The following TP63 variants were observed in gnomAD, a reference collection of about 807,000 sequenced individuals.
TP63 encodes tumor protein p63, also known as tumor protein 63.
TP63 carries 17 observed loss-of-function variants against 82.8 expected under a neutral mutation model. The observed-to-expected ratio is 0.21, with a 90% confidence interval of 0.14 to 0.31. TP63 has a LOEUF of 0.31. Ranked by LOEUF, TP63 falls within the 10% of genes least tolerant of loss-of-function variation. The pLI, the probability that TP63 is intolerant of heterozygous loss-of-function variation, is 1.00. For missense variants in TP63, 648 were observed against 895.3 expected (o/e 0.72, Z 3.52); for synonymous variants, 330 against 321.7 (o/e 1.03, Z -0.28).
At chr3:189,715,387 T>C (rs1273139414) in intron 1 of TP63, among the ~76,000 whole-genome samples, 2 of 152,156 alleles carry the variant, frequency 1.3e-5, no homozygotes, top group African/African-American at 4.8e-5. Flanking sequence ...ACAGGAAGCA[T>C]TGAGGGTATG....
chr3:189,642,998 TATTTATTTATTTATTC>T (rs1454099776), intron 1 of TP63, among the ~76,000 whole-genome samples: 94 of 110,832 alleles, frequency 8.5e-4, no homozygotes, highest in African/African-American at 2.5e-3. Flanking sequence ...TTTATTTATT[TATTTATTTATTTATTC>T]ATTTTAGATG....
At chr3:189,842,965 TTTTACCCTCCTGGGGAGATAAAG>T (rs1714348479) in intron 4 of TP63, among the ~76,000 whole-genome samples, 1 of 152,172 alleles carries the variant, frequency 6.6e-6, no homozygotes, top group African/African-American at 2.4e-5. Context: ...TGAAAGGTCA[TTTTACCCTCCTGGGGAGATAAAG>T]TTGCAAAATT....
rs184007180 is a variant in TP63 at position 189,719,603 on chromosome 3, G to A, written c.63-18137G>A. 4.2e-3 allele frequency among the ~76,000 whole-genome samples: 645 copies of A among 152,194 alleles called. 3 individuals are homozygous for A. The highest frequency in any genetic ancestry group is 6.8e-3 in the Non-Finnish European group (462 of 67,998). ...ATATTTTCAGCTTTGCAGGCCATGC[G>A]GTCTCTGTCACAGCTACTCAGCTCT... On this transcript the variant is annotated intron_variant, in intron 1 of 13. Coordinates refer to ENST00000264731, the MANE Select transcript of TP63 (RefSeq NM_003722.5).
At chr3:189,617,222 T>C in the TP63 span, among the ~76,000 whole-genome samples, 1 of 152,228 alleles carries the variant, frequency 6.6e-6, no homozygotes, top group East Asian at 1.9e-4. Context: ...CATGATCTTA[T>C]TGATGTAACG....
chr3:189,789,912 C>A (rs552604115), intron 3 of TP63: 1 of 1,426,994 alleles, frequency 7.0e-7, no homozygotes, highest in Non-Finnish European at 9.3e-7. Flanking sequence ...AAAAAACTTA[C>A]GTATTTGCGG....
intron 1 of TP63, among the ~76,000 whole-genome samples, chr3:189,705,280 A>G (rs1184499203): frequency 6.6e-6 from 1 of 152,190 alleles, no homozygotes; most frequent in African/African-American, 2.4e-5. Flanking sequence ...CAGTTTCCTC[A>G]TATGTAAAAT....
At chr3:189,789,528 G>C in intron 3 of TP63, 1 of 430,146 alleles carries the variant, frequency 2.3e-6, no homozygotes, top group Non-Finnish European at 3.7e-6. Flanking sequence ...TACTTAATGA[G>C]ATGGGAGAGG....
chr3:189,682,078 C>T (rs1038646676), intron 1 of TP63, among the ~76,000 whole-genome samples: 1 of 152,086 alleles, frequency 6.6e-6, no homozygotes, highest in Non-Finnish European at 1.5e-5. Context: ...ACTAAAAATA[C>T]AAAAATTAGC....
intron 4 of TP63, among the ~76,000 whole-genome samples, chr3:189,827,601 T>C (rs1273043412): frequency 6.6e-6 from 1 of 152,188 alleles, no homozygotes; most frequent in Non-Finnish European, 1.5e-5. Flanking sequence ...AGAATAGATA[T>C]TCCAGGTAGA....
At chr3:189,812,751 T>A (rs1727711830) in intron 4 of TP63, among the ~76,000 whole-genome samples, 1 of 152,200 alleles carries the variant, frequency 6.6e-6, no homozygotes, top group South Asian at 2.1e-4. Context: ...GTTTATTGGG[T>A]CTGAATTTGA....
the TP63 span, among the ~76,000 whole-genome samples, chr3:189,615,959 C>T: frequency 3.3e-5 from 5 of 152,130 alleles, no homozygotes; most frequent in Admixed American, 1.3e-4. Flanking sequence ...TGTTAAGACC[C>T]GATCTGGCAC....
At position 189,648,854 on chromosome 3, in the gene TP63, T is replaced by C. The variant is rs190590745; in HGVS notation, c.62+17277T>C. ...TAGTATTTGAGCCATAGAACTATTA[T>C]TAGTTTCATTTTATAGATAAAGAAA... On this transcript the variant is annotated intron_variant, in intron 1 of 13. Transcript: ENST00000264731. 9.8e-4 allele frequency among the ~76,000 whole-genome samples: 58 copies of C among 58,984 alleles called. 9 individuals are homozygous for C. In the South Asian group the frequency reaches 0.067, roughly 68 times the overall value. 38.7% of individuals were successfully genotyped at this position (58,984 alleles called of 152,430 possible). A position where few individuals can be genotyped will look rare whatever the true frequency, so the allele number is the denominator to read the frequency against.
chr3:189,606,887 C>G, the TP63 span, among the ~76,000 whole-genome samples: 1 of 152,070 alleles, frequency 6.6e-6, no homozygotes, highest in African/African-American at 2.4e-5. Context: ...GTGATTCACT[C>G]TAATAAATGG....
At position 189,859,261 on chromosome 3, in the gene TP63, CATAAA is replaced by C. The variant is rs1396211418; in HGVS notation, c.580-4964_580-4960del. ...ATATGTACAATTCTTTTGTATCAAT[CATAAA>C]ATAAAACCTAAAAAGTGAAATTTCT... On this transcript the variant is annotated intron_variant, in intron 4 of 13. Transcript: ENST00000264731. Among the ~76,000 whole-genome samples, 10 of 152,112 alleles carry C rather than the reference CATAAA, an allele frequency of 6.6e-5. No homozygotes were observed. The East Asian group carries it at 1.4e-3, about 21-fold the overall frequency.
the TP63 span, among the ~76,000 whole-genome samples, chr3:189,607,041 A>C: frequency 6.6e-6 from 1 of 152,156 alleles, no homozygotes; most frequent in Non-Finnish European, 1.5e-5. Flanking sequence ...GTGGTGAAGA[A>C]ATGACTGTGA....
At chr3:189,630,254 A>C (rs1334233624), upstream of TP63, among the ~76,000 whole-genome samples, 2 of 152,134 alleles carry the variant, frequency 1.3e-5, no homozygotes, top group South Asian at 4.1e-4. Flanking sequence ...TGAAGGGAAG[A>C]TGTGAACTCA....
At chr3:189,890,580 T>C (rs896810391) in intron 12 of TP63, among the ~76,000 whole-genome samples, 1 of 152,122 alleles carries the variant, frequency 6.6e-6, no homozygotes, top group Non-Finnish European at 1.5e-5. Context: ...ATCCTTATAG[T>C]TGATTTTAAT....
the TP63 span, among the ~76,000 whole-genome samples, chr3:189,607,904 T>C: frequency 6.6e-6 from 1 of 152,098 alleles, no homozygotes; most frequent in East Asian, 1.9e-4. Context: ...CTAATATTCA[T>C]TGGTAAAGTT....
intron 3 of TP63, among the ~76,000 whole-genome samples, chr3:189,788,155 C>G (rs1724766877): frequency 6.6e-6 from 1 of 151,594 alleles, no homozygotes; most frequent in Non-Finnish European, 1.5e-5. Context: ...TCATTCTTCC[C>G]AATATATGTG....
Sources: allele counts gnomAD v4.1 joint callset (sites outside exome capture counted in the v4.1 genomes callset), GRCh38; gene constraint gnomAD v4.1.1; transcripts MANE v1.5; gene names NCBI Gene and HGNC (gene_info 2026-07-23, HGNC 2026-07-21).